The following INPP4B variants were observed in gnomAD, a reference collection of about 807,000 sequenced individuals.
The protein encoded by INPP4B is inositol polyphosphate-4-phosphatase type II B.
In INPP4B, 55 loss-of-function variants were observed where a neutral mutation model predicts 122.5. The ratio of observed to expected loss-of-function variants is 0.45; its 90% CI spans 0.36 to 0.56. The LOEUF is 0.56. INPP4B is among the 20% of genes least tolerant of loss of function. The probability of loss-of-function intolerance (pLI) is 0.00; values close to 1 mark genes in which losing one functional copy is unlikely to be tolerated. For synonymous variants in INPP4B, 403 were observed against 388.7 expected (o/e 1.04, Z -0.43); for missense variants, 1,000 against 1,097.7 (o/e 0.91, Z 1.26).
intron 7 of INPP4B, among the ~76,000 whole-genome samples, chr4:142,384,466 A>G (rs1795258092): frequency 6.6e-6 from 1 of 152,176 alleles, no homozygotes; most frequent in Non-Finnish European, 1.5e-5. Flanking sequence ...ATGTGACTGT[A>G]CTGAATACTG....
At chr4:142,760,778 G>A (rs920874541) in intron 1 of INPP4B, among the ~76,000 whole-genome samples, 4 of 152,136 alleles carry the variant, frequency 2.6e-5, no homozygotes, top group Admixed American at 1.3e-4. Flanking sequence ...CTTTGGCCTA[G>A]CAATGGTGCT....
chr4:142,454,930 T>C (rs1044362792), intron 3 of INPP4B, among the ~76,000 whole-genome samples: 2 of 151,760 alleles, frequency 1.3e-5, no homozygotes, highest in Non-Finnish European at 2.9e-5. Flanking sequence ...AACAGGAAAA[T>C]TGTTGAAAGG....
At chr4:142,522,835 A>G (rs1826278494) in intron 2 of INPP4B, among the ~76,000 whole-genome samples, 1 of 152,130 alleles carries the variant, frequency 6.6e-6, no homozygotes, top group African/African-American at 2.4e-5. Context: ...TGAAGCTAAT[A>G]CAACTTATCT....
intron 5 of INPP4B, among the ~76,000 whole-genome samples, chr4:142,419,131 T>TG (rs1367916057): frequency 1.3e-5 from 2 of 151,982 alleles, no homozygotes; most frequent in African/African-American, 4.8e-5. Context: ...ATAGATACCA[T>TG]GGGGGAATAC....
At chr4:142,495,369 T>G (rs1263516660) in intron 2 of INPP4B, among the ~76,000 whole-genome samples, 1 of 151,934 alleles carries the variant, frequency 6.6e-6, no homozygotes, top group African/African-American at 2.4e-5. Context: ...CACGCACACA[T>G]ATACATGCAC....
chr4:142,059,085 T>G (rs1461855768), intron 25 of INPP4B, among the ~76,000 whole-genome samples: 1 of 152,172 alleles, frequency 6.6e-6, no homozygotes, highest in Admixed American at 6.6e-5. Context: ...TTTCTTAAGG[T>G]CATTACTTTG....
At chr4:142,243,897 T>TTAA (rs1860750514) in intron 11 of INPP4B, among the ~76,000 whole-genome samples, 1 of 148,862 alleles carries the variant, frequency 6.7e-6, no homozygotes, top group Non-Finnish European at 1.5e-5. Flanking sequence ...TAGAACAAAC[T>TTAA]TTATTATTAT....
At chr4:142,404,402 A>G (rs979766676) in intron 6 of INPP4B, among the ~76,000 whole-genome samples, 2 of 152,182 alleles carry the variant, frequency 1.3e-5, no homozygotes, top group Non-Finnish European at 2.9e-5. Flanking sequence ...AATCTTAAGA[A>G]GTGTAGATTA....
chr4:142,172,777 C>T (rs1407394356), intron 16 of INPP4B, among the ~76,000 whole-genome samples: 1 of 151,946 alleles, frequency 6.6e-6, no homozygotes, highest in Non-Finnish European at 1.5e-5. Flanking sequence ...TGGAAAACTA[C>T]ACTTTTGTCT....
chr4:142,590,897 A>C (rs940443206), intron 2 of INPP4B, among the ~76,000 whole-genome samples: 18 of 151,126 alleles, frequency 1.2e-4, no homozygotes, highest in Non-Finnish European at 2.4e-4. Context: ...AAAAAAAAAA[A>C]AAACAAAAGA....
intron 2 of INPP4B, among the ~76,000 whole-genome samples, chr4:142,499,919 C>A (rs1823148242): frequency 6.6e-6 from 1 of 152,134 alleles, no homozygotes. Flanking sequence ...CACTATCACT[C>A]CGTAATACAA....
chr4:142,745,488 C>T (rs933587205), intron 1 of INPP4B, among the ~76,000 whole-genome samples: 2 of 151,782 alleles, frequency 1.3e-5, no homozygotes, highest in South Asian at 2.1e-4. Flanking sequence ...TGCTTTTATG[C>T]TACAATGGCA....
intron 1 of INPP4B, among the ~76,000 whole-genome samples, chr4:142,728,904 A>G (rs1765691353): frequency 6.6e-6 from 1 of 152,206 alleles, no homozygotes; most frequent in African/African-American, 2.4e-5. Flanking sequence ...TCTTCGGCCA[A>G]CAAGAATCAG....
chr4:142,104,914 A>T (rs996356634), intron 23 of INPP4B, among the ~76,000 whole-genome samples: 1 of 151,950 alleles, frequency 6.6e-6, no homozygotes, highest in Non-Finnish European at 1.5e-5. Flanking sequence ...ATTTATTTTT[A>T]TTTTTTTCAA....
chr4:142,492,284 T>C (rs1676692197), intron 2 of INPP4B, among the ~76,000 whole-genome samples: 1 of 151,994 alleles, frequency 6.6e-6, no homozygotes, highest in Non-Finnish European at 1.5e-5. Context: ...CAGTGTGAGA[T>C]TGGTACCACA....
chr4:142,684,272 C>T (rs1352314822), intron 2 of INPP4B, among the ~76,000 whole-genome samples: 1 of 151,990 alleles, frequency 6.6e-6, no homozygotes, highest in African/African-American at 2.4e-5. Context: ...ATGAGACATC[C>T]TTAGAACACA....
intron 21 of INPP4B, among the ~76,000 whole-genome samples, chr4:142,119,626 T>C (rs1224322385): frequency 4.1e-5 from 6 of 147,392 alleles, no homozygotes; most frequent in Non-Finnish European, 7.4e-5. Flanking sequence ...ATGGGGTACA[T>C]CATACATTGG....
In INPP4B at chr4:142,548,274, T is replaced by C. The variant is rs1295095881; in HGVS notation, c.-190-85548A>G. Among the ~76,000 whole-genome samples the C allele has an allele frequency of 2.0e-5, 3 of 152,138 alleles. No individual in the cohort carries two copies. In the East Asian group the frequency reaches 5.8e-4, roughly 29 times the overall value. On this transcript the variant is annotated intron_variant, in intron 2 of 25. Transcript: ENST00000262992. ...AGAGAGTCACAGACTCAATGGCTAATGTGTAGAAACTGCAAGTAGTGACCT... is the reference window on the plus strand; with the variant it reads ...AGAGAGTCACAGACTCAATGGCTAACGTGTAGAAACTGCAAGTAGTGACCT...
intron 1 of INPP4B, among the ~76,000 whole-genome samples, chr4:142,806,807 G>GAAAGA (rs1165023212): frequency 1.7e-4 from 24 of 137,828 alleles, no homozygotes; most frequent in East Asian, 8.2e-4. Context: ...AAGAAAGAAA[G>GAAAGA]AAAGAAAGAA....
Sources: allele counts gnomAD v4.1 joint callset (sites outside exome capture counted in the v4.1 genomes callset), GRCh38; gene constraint gnomAD v4.1.1; transcripts MANE v1.5; gene names NCBI Gene and HGNC (gene_info 2026-07-23, HGNC 2026-07-21).